Variants in PAX3 observed in about 807,000 individuals in gnomAD.
PAX3 encodes the protein paired box protein Pax-3.
Under a neutral mutation model 51.6 loss-of-function variants are expected in PAX3, and 14 were observed. The ratio of observed to expected loss-of-function variants is 0.27; its 90% CI spans 0.18 to 0.42. The LOEUF is 0.42. Ranked by LOEUF, PAX3 falls within the 10% of genes least tolerant of loss-of-function variation. The probability of loss-of-function intolerance (pLI) is 1.00; values close to 1 mark genes in which losing one functional copy is unlikely to be tolerated. For synonymous variants in PAX3, 280 were observed against 253.4 expected (o/e 1.11, Z -1.00); for missense variants, 540 against 642.8 (o/e 0.84, Z 1.73).
chr2:222,216,157 A>G (rs916557636), intron 7 of PAX3, among the ~76,000 whole-genome samples: 2 of 152,166 alleles, frequency 1.3e-5, no homozygotes, highest in Non-Finnish European at 2.9e-5. Context: ...TTCTTAGGAC[A>G]TTATGCTTCC....
rs45615436 is a variant in PAX3, at chr2:222,268,007, A to C, written c.586+26160T>G. ...ATAATGGACTTTTTACAAAGGCCAT[A>C]ACTTTTATATTAATAGCTACATTCT... is the stretch of plus-strand genomic sequence containing the variant. On this transcript the variant is annotated intron_variant, in intron 4 of 8. Transcript: ENST00000392070. 7.1e-3 allele frequency among the ~76,000 whole-genome samples: 1,088 copies of C among 152,352 alleles called. 13 individuals are homozygous for C. Among genetic ancestry groups the C allele is most frequent in the African/African-American group, 0.025 (1,038 of 41,580 alleles).
chr2:222,225,022 G>A (rs1226071454), intron 5 of PAX3, among the ~76,000 whole-genome samples: 4 of 152,126 alleles, frequency 2.6e-5, no homozygotes, highest in African/African-American at 4.8e-5. Flanking sequence ...ACAATTCAAT[G>A]TAATTTTACT....
intron 4 of PAX3, among the ~76,000 whole-genome samples, chr2:222,238,889 C>G (rs1692898774): frequency 6.6e-6 from 1 of 152,148 alleles, no homozygotes; most frequent in Non-Finnish European, 1.5e-5. Flanking sequence ...TTTGATGAAC[C>G]TACTTGGCTA....
At chr2:222,217,225 C>T (rs1254909946) in intron 7 of PAX3, among the ~76,000 whole-genome samples, 1 of 152,086 alleles carries the variant, frequency 6.6e-6, no homozygotes, top group Non-Finnish European at 1.5e-5. Flanking sequence ...CTACAATGAA[C>T]ATCCAATGCT....
intron 4 of PAX3, among the ~76,000 whole-genome samples, chr2:222,279,304 C>T (rs200092677): frequency 9.5e-5 from 14 of 148,134 alleles, no homozygotes; most frequent in South Asian, 2.2e-4. Context: ...CAAGCCTGTG[C>T]GTGTGTGTGT....
In PAX3 at chr2:222,200,950, C is replaced by T. The variant is rs1473742655; in HGVS notation, c.*458G>A. ...TTTAAAGTTGTAGAAGTATCAGCAT[C>T]GAACATCGACATGTTATACTTTAGG... On this transcript the variant is annotated 3_prime_UTR_variant, in exon 9 of 9. Coordinates refer to ENST00000392070, the MANE Select transcript of PAX3 (RefSeq NM_181458.4). 3.6e-5 allele frequency: 21 copies of T among 582,594 alleles called. No individual in the cohort carries two copies. Among genetic ancestry groups the T allele is most frequent in the South Asian group, 8.3e-5 (4 of 47,970 alleles). The allele number at this position is 582,594 out of a possible 1,614,324, so 36.1% of individuals were successfully genotyped here. A position where few individuals can be genotyped will look rare whatever the true frequency, so the allele number is the denominator to read the frequency against.
At position 222,227,184 on chromosome 2, in the gene PAX3, C is replaced by CTAT. The variant is rs1692415809; in HGVS notation, c.792+4891_792+4893dup. The stretch of plus-strand genomic sequence containing the variant: ...ATATCATCTGACTCCTAGTTAAATT[C>CTAT]TATTTCCCCTAGTAACTTGTTTTTC... On this transcript the variant is annotated intron_variant, in intron 5 of 8. Coordinates refer to ENST00000392070, the MANE Select transcript of PAX3 (RefSeq NM_181458.4). Among the ~76,000 whole-genome samples, 3 of 152,162 alleles carry CTAT rather than the reference C, an allele frequency of 2.0e-5. No individual in the cohort carries two copies. The South Asian group carries it at 6.2e-4, about 32-fold the overall frequency.
intron 4 of PAX3, among the ~76,000 whole-genome samples, chr2:222,241,293 CTT>C (rs553002692): frequency 4.9e-4 from 75 of 152,284 alleles, no homozygotes; most frequent in East Asian, 3.3e-3. Context: ...CAATTGCCCT[CTT>C]ATCGCGGGCT....
chr2:222,222,946 G>A (rs998417802), intron 5 of PAX3, among the ~76,000 whole-genome samples: 2 of 152,196 alleles, frequency 1.3e-5, no homozygotes, highest in African/African-American at 4.8e-5. Context: ...GCGATCGCTT[G>A]AGATGGAAGT....
intron 4 of PAX3, chr2:222,264,633 G>C (rs539652651): frequency 6.6e-6 from 1 of 152,238 alleles, no homozygotes; most frequent in South Asian, 2.1e-4. Context: ...TAAAAAGAAA[G>C]AAACTAGAAA....
chr2:222,255,302 A>G (rs1299496592), intron 4 of PAX3, among the ~76,000 whole-genome samples: 2 of 152,040 alleles, frequency 1.3e-5, no homozygotes, highest in Admixed American at 1.3e-4. Context: ...CTGCCTAAAT[A>G]TGGTGAAGGC....
intron 4 of PAX3, among the ~76,000 whole-genome samples, chr2:222,244,934 G>A (rs771230256): frequency 9.2e-5 from 14 of 151,970 alleles, no homozygotes; most frequent in South Asian, 2.1e-4. Context: ...GGTAACTTGA[G>A]GCCAGAGGTA....
In PAX3 at chr2:222,244,015, G is replaced by C. The variant is rs541836175; in HGVS notation, c.587-11732C>G. 6.6e-5 allele frequency among the ~76,000 whole-genome samples: 10 copies of C among 152,174 alleles called. No homozygotes were observed. The South Asian group carries it at 8.3e-4, about 13-fold the overall frequency. ...AGAGGGGATAATGAATGAGAAGAGA[G>C]TGTGATTCCTCCCCTTCATCGTGCA... On this transcript the variant is annotated intron_variant, in intron 4 of 8. Transcript: ENST00000392070.
chr2:222,293,586 G>A, intron 4 of PAX3: 1 of 1,591,764 alleles, frequency 6.3e-7, no homozygotes, highest in East Asian at 2.2e-5. Flanking sequence ...GGCACACACA[G>A]GTTAAACCCC....
intron 4 of PAX3, among the ~76,000 whole-genome samples, chr2:222,290,246 T>TC (rs201710831): frequency 0.022 from 3,352 of 151,456 alleles, 116 homozygotes; most frequent in African/African-American, 0.075. Context: ...TTCTCCTACC[T>TC]CCCCCCCAAA....
intron 4 of PAX3, among the ~76,000 whole-genome samples, chr2:222,239,060 A>C (rs1319359416): frequency 1.3e-5 from 2 of 152,212 alleles, no homozygotes; most frequent in Non-Finnish European, 2.9e-5. Context: ...GGAGTGAAGC[A>C]AGACTGATAT....
intron 7 of PAX3, among the ~76,000 whole-genome samples, chr2:222,202,495 C>T (rs538436683): frequency 6.6e-6 from 1 of 151,812 alleles, no homozygotes; most frequent in African/African-American, 2.4e-5. Flanking sequence ...GTGATAAAAT[C>T]AGACTGGAAT....
intron 5 of PAX3, among the ~76,000 whole-genome samples, chr2:222,228,216 G>A (rs921451683): frequency 6.6e-6 from 1 of 152,150 alleles, no homozygotes; most frequent in African/African-American, 2.4e-5. Flanking sequence ...GATCACAGCC[G>A]TGGTGCCAGC....
At chr2:222,230,194 A>G (rs28492063) in intron 5 of PAX3, among the ~76,000 whole-genome samples, 4,125 of 152,068 alleles carry the variant, frequency 0.027, 162 homozygotes, top group African/African-American at 0.089. Flanking sequence ...AAAAAATTAA[A>G]TCTGCCTTCT....
Sources: gnomAD v4.1 joint callset for allele counts (sites outside exome capture counted in the v4.1 genomes callset) on GRCh38, gnomAD v4.1.1 for gene constraint, MANE v1.5 for transcripts, NCBI Gene and HGNC (gene_info 2026-07-23, HGNC 2026-07-21) for gene names.